The following PEAK1 variants were observed in gnomAD, a reference collection of about 807,000 sequenced individuals.
PEAK1 encodes inactive tyrosine-protein kinase PEAK1.
PEAK1 carries 54 observed loss-of-function variants against 124.7 expected under a neutral mutation model. That is an observed-to-expected ratio of 0.43 (90% CI 0.35 to 0.54). PEAK1 has a LOEUF of 0.54. Among genes scored for constraint, PEAK1 ranks in the 20% least tolerant of loss-of-function variants. The probability of loss-of-function intolerance (pLI) is 0.01; values close to 1 mark genes in which losing one functional copy is unlikely to be tolerated. For missense variants in PEAK1, 2,046 were observed against 2,134.5 expected (o/e 0.96, Z 0.82); for synonymous variants, 719 against 760.0 (o/e 0.95, Z 0.89).
intron 1 of PEAK1, among the ~76,000 whole-genome samples, chr15:77,382,028 G>A (rs182330348): frequency 2.0e-5 from 3 of 152,262 alleles, no homozygotes; most frequent in African/African-American, 7.2e-5. Flanking sequence ...AAAAATCCTT[G>A]TAAAATTAAA....
At chr15:77,249,961 T>C (rs753015564) in intron 6 of PEAK1, among the ~76,000 whole-genome samples, 2 of 151,792 alleles carry the variant, frequency 1.3e-5, no homozygotes, top group African/African-American at 4.8e-5. Flanking sequence ...TAAAAGTTCC[T>C]TTCTTCAACA....
intron 6 of PEAK1, among the ~76,000 whole-genome samples, chr15:77,225,191 T>C (rs574200146): frequency 6.6e-6 from 1 of 152,018 alleles, no homozygotes; most frequent in Admixed American, 6.6e-5. Flanking sequence ...GTTAGAGGAA[T>C]TGAGATCTCA....
chr15:77,226,944 A>C (rs1301242387), intron 6 of PEAK1, among the ~76,000 whole-genome samples: 3 of 152,168 alleles, frequency 2.0e-5, no homozygotes, highest in Non-Finnish European at 4.4e-5. Context: ...TGAACTCTGG[A>C]CTTAGATCTA....
In PEAK1 at chr15:77,114,042, G is replaced by C. The variant is rs2051137843; in HGVS notation, c.*114C>G. On this transcript the variant is annotated 3_prime_UTR_variant, in exon 10 of 10. Transcript: ENST00000682557. ...ATAGACCCACTTGTTCACGGACAGG[G>C]ATAGAGGTTTGCCTTTCTTCTTTCC... The C allele has an allele frequency of 4.4e-6, 5 of 1,127,958 alleles. No individual in the cohort carries two copies. The highest frequency in any genetic ancestry group is 6.5e-6 in the Non-Finnish European group (5 of 769,904). 69.9% of individuals were successfully genotyped at this position (1,127,958 alleles called of 1,614,324 possible).
intron 5 of PEAK1, chr15:77,278,871 C>T (rs1422690925): frequency 4.3e-5 from 12 of 278,054 alleles, no homozygotes; most frequent in African/African-American, 2.3e-4. Context: ...CTCACTCTAT[C>T]GCCCAGGCTG....
chr15:77,239,150 A>G (rs2060249949), intron 6 of PEAK1, among the ~76,000 whole-genome samples: 1 of 152,202 alleles, frequency 6.6e-6, no homozygotes, highest in South Asian at 2.1e-4. Context: ...TCAAATAGAT[A>G]TGTTTTGGCA....
chr15:77,372,305 A>G (rs115572709), intron 1 of PEAK1, among the ~76,000 whole-genome samples: 3,446 of 152,322 alleles, frequency 0.023, 109 homozygotes, highest in African/African-American at 0.072. Context: ...GCTGCCATTC[A>G]GATAAAAGAT....
intron 5 of PEAK1, among the ~76,000 whole-genome samples, chr15:77,274,941 T>A (rs961219811): frequency 2.0e-5 from 3 of 152,026 alleles, no homozygotes; most frequent in Non-Finnish European, 2.9e-5. Flanking sequence ...AATAAGTGGA[T>A]AGAGAAAATG....
At chr15:77,349,478 A>G (rs2067079153) in intron 2 of PEAK1, 2 of 984,988 alleles carry the variant, frequency 2.0e-6, no homozygotes, top group South Asian at 4.7e-5. Context: ...TTTTAGGCCT[A>G]TTTCCCAAAG....
At chr15:77,297,005 A>C (rs1368907004) in intron 2 of PEAK1, among the ~76,000 whole-genome samples, 2 of 151,812 alleles carry the variant, frequency 1.3e-5, no homozygotes, top group Non-Finnish European at 2.9e-5. Context: ...AAATGACCAA[A>C]ATTGGACTTA....
intron 2 of PEAK1, among the ~76,000 whole-genome samples, chr15:77,330,225 A>C (rs2065817346): frequency 6.6e-6 from 1 of 152,162 alleles, no homozygotes; most frequent in Non-Finnish European, 1.5e-5. Context: ...GTATTTCATT[A>C]TTTCTTTTAA....
At chr15:77,272,191 A>C (rs769078934) in intron 5 of PEAK1, among the ~76,000 whole-genome samples, 1 of 152,190 alleles carries the variant, frequency 6.6e-6, no homozygotes, top group Non-Finnish European at 1.5e-5. Context: ...CTAAGGTCAC[A>C]CCTCAAGGAG....
chr15:77,350,591 T>G (rs1004850996), intron 2 of PEAK1: 1 of 975,696 alleles, frequency 1.0e-6, no homozygotes, highest in African/African-American at 1.8e-5. Context: ...AGTAAGTATA[T>G]GTGTGTTAGA....
At chr15:77,264,405 A>C (rs1245444920) in intron 5 of PEAK1, among the ~76,000 whole-genome samples, 1 of 152,232 alleles carries the variant, frequency 6.6e-6, no homozygotes, top group Non-Finnish European at 1.5e-5. Context: ...ACTTCAGCAA[A>C]GTCTCAGGAT....
chr15:77,252,593 T>A, intron 5 of PEAK1, 67 bp from the exon 6 acceptor site: 4 of 831,416 alleles, frequency 4.8e-6, no homozygotes, highest in Non-Finnish European at 5.8e-6. Context: ...GGACATCTTT[T>A]CTTAGATATT....
chr15:77,243,183 A>G (rs887258761), intron 6 of PEAK1, among the ~76,000 whole-genome samples: 1 of 152,176 alleles, frequency 6.6e-6, no homozygotes, highest in Non-Finnish European at 1.5e-5. Context: ...CAGCCAGTGT[A>G]TTGCTAGATT....
chr15:77,302,662 T>G (rs2063849513), intron 2 of PEAK1, among the ~76,000 whole-genome samples: 6 of 152,160 alleles, frequency 3.9e-5, no homozygotes, highest in Admixed American at 3.3e-4. Flanking sequence ...TTACTTAGAT[T>G]AGCAACTTGT....
At chr15:77,340,927 A>C (rs2141328727) in intron 2 of PEAK1, among the ~76,000 whole-genome samples, 1 of 151,956 alleles carries the variant, frequency 6.6e-6, no homozygotes, top group East Asian at 1.9e-4. Flanking sequence ...TACACAACTC[A>C]GGAAAGTACT....
chr15:77,257,732 C>T (rs374123459), intron 5 of PEAK1, among the ~76,000 whole-genome samples: 17 of 152,086 alleles, frequency 1.1e-4, no homozygotes, highest in East Asian at 5.8e-4. Context: ...TTTAGTTTAA[C>T]TAGATCCCAT....
Sources: gnomAD v4.1 joint callset for allele counts (sites outside exome capture counted in the v4.1 genomes callset) on GRCh38, gnomAD v4.1.1 for gene constraint, MANE v1.5 for transcripts, NCBI Gene and HGNC (gene_info 2026-07-23, HGNC 2026-07-21) for gene names.